The following PI4K2A variants were observed in gnomAD, a reference collection of about 807,000 sequenced individuals.
The protein encoded by PI4K2A is phosphatidylinositol 4-kinase type 2-alpha.
PI4K2A carries 20 observed loss-of-function variants against 55.0 expected under a neutral mutation model. The ratio of observed to expected loss-of-function variants is 0.36; its 90% CI spans 0.26 to 0.53. PI4K2A has a LOEUF of 0.53. Ranked by LOEUF, PI4K2A falls within the 20% of genes least tolerant of loss-of-function variation. PI4K2A has a pLI of 0.91. For synonymous variants in PI4K2A, 235 were observed against 258.5 expected, an observed-to-expected ratio of 0.91 and a Z score of 0.87; for missense variants, 463 against 637.1, an observed-to-expected ratio of 0.73 and a Z score of 2.94.
chr10:97,664,405 G>A (rs904349547), intron 5 of PI4K2A, among the ~76,000 whole-genome samples: 2 of 152,174 alleles, frequency 1.3e-5, no homozygotes, highest in South Asian at 2.1e-4. Flanking sequence ...AGACTCCCTT[G>A]TGCAAGAGCA....
chr10:97,642,235 G>T (rs1172197352), intron 1 of PI4K2A, among the ~76,000 whole-genome samples: 12 of 152,034 alleles, frequency 7.9e-5, no homozygotes, highest in Non-Finnish European at 1.8e-4. Context: ...TGTAGCTCTT[G>T]GTTCGGCTCA....
At chr10:97,657,029 G>A in intron 4 of PI4K2A, 55 bp downstream of exon 4, 5 of 1,576,078 alleles carry the variant, frequency 3.2e-6, no homozygotes, top group Non-Finnish European at 4.4e-6. Flanking sequence ...GAGGCATGGG[G>A]AGGCCTGGAG....
chr10:97,655,344 T>C lies in PI4K2A; in HGVS notation c.637-941T>C, dbSNP rs1015773804. ...GAGACTGTGCCACTGCACTCCAGCC[T>C]GGGCAACAGAGTGAGACTCTGTCTC... On this transcript the variant is annotated intron_variant, in intron 2 of 8. Transcript: ENST00000370631. 4.4e-5 allele frequency among the ~76,000 whole-genome samples: 6 copies of C among 135,754 alleles called. No individual in the cohort carries two copies. In the Admixed American group the frequency reaches 4.9e-4, roughly 11 times the overall value. 89.1% of individuals were successfully genotyped at this position (135,754 alleles called of 152,430 possible). A position where few individuals can be genotyped will look rare whatever the true frequency, so the allele number is the denominator to read the frequency against.
chr10:97,673,500 T>A, intron 8 of PI4K2A, 81 bp from the exon 9 acceptor site: 1 of 1,096,294 alleles, frequency 9.1e-7, no homozygotes, highest in Non-Finnish European at 1.3e-6. Flanking sequence ...TTTGTAGGCG[T>A]CCTCTCTACT....
At chr10:97,674,127 G>A in exon 9 of PI4K2A, 1 of 162,692 alleles carries the variant, frequency 6.1e-6, no homozygotes. Context: ...AATGCTTGTA[G>A]CAGAACCCCG....
intron 1 of PI4K2A, among the ~76,000 whole-genome samples, chr10:97,645,547 G>A (rs1338319510): frequency 6.7e-6 from 1 of 148,368 alleles, no homozygotes; most frequent in Non-Finnish European, 1.5e-5. Context: ...GGCGGAGCTT[G>A]CAGTGAGCCA....
chr10:97,670,504 C>CAA (rs1420208357), intron 8 of PI4K2A, among the ~76,000 whole-genome samples: 1 of 151,798 alleles, frequency 6.6e-6, no homozygotes, highest in East Asian at 1.9e-4. Context: ...TCTTTTTTGC[C>CAA]AAATCTTTTG....
At chr10:97,662,814 C>T (rs2041592060) in intron 4 of PI4K2A, 93 bp from the exon 5 acceptor site, 12 of 798,986 alleles carry the variant, frequency 1.5e-5, no homozygotes, top group Admixed American at 5.2e-5. Context: ...TCAGTAGAAG[C>T]GTTAGTCCGA....
Position 97,656,591 on chromosome 10 carries a change from T to C in PI4K2A, c.768+175T>C, listed in dbSNP as rs183352378. Among the ~76,000 whole-genome samples, 25 of 152,348 alleles carry C rather than the reference T, an allele frequency of 1.6e-4. 1 individual carries two copies. Among genetic ancestry groups the C allele is most frequent in the Admixed American group, 1.6e-3 (25 of 15,304 alleles). ...GGTTTGAAAAGTTGAGACCTAACTT[T>C]TCACTTTACTCCTCTGGTTCATTTG... On this transcript the variant is annotated intron_variant, in intron 3 of 8. Coordinates refer to ENST00000370631, the Ensembl canonical transcript of PI4K2A. This position sits in a 1 kb window ranked among gnomAD's most constrained non-coding sequence, Gnocchi z 4.5.
chr10:97,659,212 T>C (rs1589935502), intron 4 of PI4K2A, among the ~76,000 whole-genome samples: 1 of 152,264 alleles, frequency 6.6e-6, no homozygotes, highest in African/African-American at 2.4e-5. Flanking sequence ...TTTTAAATTC[T>C]TTGTAGAGAT....
chr10:97,660,062 C>T (rs369720535), intron 4 of PI4K2A, among the ~76,000 whole-genome samples: 14 of 144,518 alleles, frequency 9.7e-5, no homozygotes, highest in East Asian at 2.0e-4. Context: ...AGTGCAGTGG[C>T]GCGATCTCGG....
intron 8 of PI4K2A, 82 bp from the exon 9 acceptor site, chr10:97,673,499 G>A (rs984707193): frequency 2.9e-5 from 31 of 1,071,474 alleles, no homozygotes; most frequent in East Asian, 5.1e-5. Flanking sequence ...ATTTGTAGGC[G>A]TCCTCTCTAC....
chr10:97,675,990 T>C (rs2041662583), exon 9 of PI4K2A: 1 of 152,648 alleles, frequency 6.6e-6, no homozygotes, highest in Non-Finnish European at 1.5e-5. Context: ...TAATCCAATG[T>C]AGAAATTGTA....
At chr10:97,642,884 T>TCTTTCTTTCTTCCTTCCTTC (rs1564772365) in intron 1 of PI4K2A, among the ~76,000 whole-genome samples, 6 of 96,880 alleles carry the variant, frequency 6.2e-5, no homozygotes, top group Admixed American at 9.6e-5. Context: ...TTTCTTTCTT[T>TCTTTCTTTCTTCCTTCCTTC]CTTCCTTCCT....
chr10:97,660,807 G>A (rs2041578924), intron 4 of PI4K2A, among the ~76,000 whole-genome samples: 1 of 151,620 alleles, frequency 6.6e-6, no homozygotes, highest in Non-Finnish European at 1.5e-5. Context: ...TTTTTTAGCT[G>A]GTTAGTAGGA....
At chr10:97,671,650 G>T (rs2041635764) in intron 8 of PI4K2A, among the ~76,000 whole-genome samples, 1 of 151,868 alleles carries the variant, frequency 6.6e-6, no homozygotes, top group African/African-American at 2.4e-5. Flanking sequence ...TTGTTTGTTT[G>T]TTTTTTTGAG....
intron 2 of PI4K2A, among the ~76,000 whole-genome samples, chr10:97,654,160 A>T (rs1412448425): frequency 6.6e-6 from 1 of 152,150 alleles, no homozygotes; most frequent in Non-Finnish European, 1.5e-5. Flanking sequence ...TGCTCCTATG[A>T]GGTTTCAGGT....
At chr10:97,643,283 C>T (rs1174251221) in intron 1 of PI4K2A, among the ~76,000 whole-genome samples, 2 of 152,160 alleles carry the variant, frequency 1.3e-5, no homozygotes, top group African/African-American at 4.8e-5. Context: ...CCCACCATGC[C>T]TGTCCTTTTT....
chr10:97,673,943 TG>T (rs2041648507), exon 9 of PI4K2A: 1 of 554,496 alleles, frequency 1.8e-6, no homozygotes, highest in South Asian at 2.4e-5. Flanking sequence ...CCTTCTGATG[TG>T]GGGGAGGCTG....
Sources: gnomAD v4.1 joint callset for allele counts (sites outside exome capture counted in the v4.1 genomes callset) on GRCh38, gnomAD v4.1.1 for gene constraint, Gnocchi (gnomAD v3.1) non-coding constraint, MANE v1.5 for transcripts, NCBI Gene and HGNC (gene_info 2026-07-23, HGNC 2026-07-21) for gene names.